Variants in CRHR1 observed in about 807,000 individuals in gnomAD.
CRHR1 encodes the protein corticotropin-releasing hormone receptor 1.
Under a neutral mutation model 56.0 loss-of-function variants are expected in CRHR1, and 28 were observed. The observed-to-expected ratio is 0.50, with a 90% confidence interval of 0.37 to 0.69. CRHR1 has a LOEUF of 0.69. Among genes scored for constraint, CRHR1 ranks in the 30% least tolerant of loss-of-function variants. The pLI is 0.00. For synonymous variants in CRHR1, 195 were observed against 216.5 expected, an observed-to-expected ratio of 0.90 and a Z score of 0.87; for missense variants, 376 against 548.0, an observed-to-expected ratio of 0.69 and a Z score of 3.13.
At chr17:45,785,422 C>T (rs912987796) in intron 1 of CRHR1, among the ~76,000 whole-genome samples, 1 of 152,262 alleles carries the variant, frequency 6.6e-6, no homozygotes, top group Admixed American at 6.5e-5. Context: ...CTTTCCAGAG[C>T]GTTTTGGTTT....
intron 2 of CRHR1, among the ~76,000 whole-genome samples, chr17:45,813,011 C>T (rs1188645728): frequency 6.6e-6 from 1 of 152,228 alleles, no homozygotes; most frequent in Non-Finnish European, 1.5e-5. Flanking sequence ...CCCCACTCTC[C>T]TCCTCCCTGG....
rs751905311 is a variant in CRHR1, at chr17:45,834,775, C to A, written c.*11C>A. ...TCCACAGCAGTCTGAGCTGGCAGGTCATGGAGCAGCCCCCAAAGAGCTGTG... is the reference window on the plus strand; with the variant it reads ...TCCACAGCAGTCTGAGCTGGCAGGTAATGGAGCAGCCCCCAAAGAGCTGTG... On this transcript the variant is annotated 3_prime_UTR_variant, in exon 13 of 13. Transcript: ENST00000314537. 2.5e-6 allele frequency: 4 copies of A among 1,613,448 alleles called. No homozygotes were observed. Among genetic ancestry groups the A allele is most frequent in the Non-Finnish European group, 3.4e-6 (4 of 1,179,900 alleles).
intron 8 of CRHR1, among the ~76,000 whole-genome samples, chr17:45,831,924 T>C (rs1217778262): frequency 2.0e-5 from 3 of 151,828 alleles, no homozygotes; most frequent in Non-Finnish European, 4.4e-5. Flanking sequence ...ATCTTGCGTG[T>C]TTATGTGGTT....
intron 8 of CRHR1, among the ~76,000 whole-genome samples, chr17:45,831,232 AT>A (rs1490278305): frequency 6.6e-6 from 1 of 152,190 alleles, no homozygotes; most frequent in Non-Finnish European, 1.5e-5. Context: ...CCTTGGACAG[AT>A]TACTGCAGTG....
At chr17:45,787,520 A>G (rs2061357327) in intron 1 of CRHR1, among the ~76,000 whole-genome samples, 1 of 152,200 alleles carries the variant, frequency 6.6e-6, no homozygotes, top group African/African-American at 2.4e-5. Flanking sequence ...ATGGAAAATG[A>G]TTGCAACCTC....
chr17:45,830,499 T>C lies in CRHR1; in HGVS notation c.638T>C (p.Leu213Pro). Reference protein sequence around the residue: ...FFWMFGEGCYLHTAIVLTYST... With the variant: ...FFWMFGEGCYPHTAIVLTYST... Reference sequence around the variant, plus strand: ...TGGATGTTCGGCGAGGGCTGCTACCTGCACACAGCCATCGTGCTCACCTAC... The same window carrying C: ...TGGATGTTCGGCGAGGGCTGCTACCCGCACACAGCCATCGTGCTCACCTAC... The change falls in exon 7 of 13, where the codon CTG (leucine) becomes CCG (proline). Residue 213 changes from leucine (L) to proline (P), a missense_variant. By Grantham distance (98) the Leu-to-Pro change is moderately conservative. Coordinates refer to ENST00000314537, the MANE Select transcript of CRHR1 (RefSeq NM_004382.5). 1 of 1,613,766 alleles carries C rather than the reference T, an allele frequency of 6.2e-7. No homozygotes were observed. Among genetic ancestry groups the C allele is most frequent in the Non-Finnish European group, 8.5e-7 (1 of 1,179,972 alleles).
intron 3 of CRHR1, among the ~76,000 whole-genome samples, chr17:45,819,102 C>G (rs543976396): frequency 6.6e-6 from 1 of 152,122 alleles, no homozygotes; most frequent in Non-Finnish European, 1.5e-5. Context: ...CAATATCCAC[C>G]GGTACCCTTT....
intron 1 of CRHR1, among the ~76,000 whole-genome samples, chr17:45,805,558 G>A (rs1019466646): frequency 2.0e-5 from 3 of 152,186 alleles, no homozygotes; most frequent in African/African-American, 7.2e-5. Context: ...GAAATGGGCT[G>A]GGGCTGAGAC....
chr17:45,833,283 G>A (rs2062358720), intron 9 of CRHR1, 73 bp downstream of exon 9: 2 of 1,555,528 alleles, frequency 1.3e-6, no homozygotes, highest in Admixed American at 1.7e-5. Flanking sequence ...TGGACAGAAA[G>A]GACTCCTCTA....
At position 45,829,656 on chromosome 17, in the gene CRHR1, G is replaced by A; in HGVS notation, c.434+335G>A. ...CCATTTCAGGTTCGAAGGTACCTGGGCCCCAGCACTACCGCCAAGGATGCA... is the reference window on the plus strand; with the variant it reads ...CCATTTCAGGTTCGAAGGTACCTGGACCCCAGCACTACCGCCAAGGATGCA... On this transcript the variant is annotated intron_variant, in intron 5 of 12. Coordinates refer to ENST00000314537, the MANE Select transcript of CRHR1 (RefSeq NM_004382.5). 3.2e-6 allele frequency: 5 copies of A among 1,550,308 alleles called. No homozygotes were observed. The South Asian group carries it at 3.6e-5, about 11-fold the overall frequency.
chr17:45,806,477 C>T (rs114332757), intron 1 of CRHR1, among the ~76,000 whole-genome samples: 188 of 152,236 alleles, frequency 1.2e-3, no homozygotes, highest in African/African-American at 3.8e-3. Context: ...TTTGTGATGA[C>T]GGATAATTAG....
At chr17:45,787,404 C>A (rs2061355803) in intron 1 of CRHR1, among the ~76,000 whole-genome samples, 1 of 152,098 alleles carries the variant, frequency 6.6e-6, no homozygotes, top group African/African-American at 2.4e-5. Flanking sequence ...GAAGGCAAGG[C>A]CTCTGGATGG....
chr17:45,833,261 C>T, intron 9 of CRHR1, 51 bp downstream of exon 9: 1 of 1,584,342 alleles, frequency 6.3e-7, no homozygotes, highest in Non-Finnish European at 8.7e-7. Flanking sequence ...GAGGGGCAAT[C>T]AGTGCCAACC....
chr17:45,786,816 T>G (rs2061345521), intron 1 of CRHR1, among the ~76,000 whole-genome samples: 1 of 152,032 alleles, frequency 6.6e-6, no homozygotes, highest in Non-Finnish European at 1.5e-5. Flanking sequence ...AATCTTTGTA[T>G]TTTTTGTAGA....
At chr17:45,799,715 G>A (rs1223099187) in intron 1 of CRHR1, 1 of 152,252 alleles carries the variant, frequency 6.6e-6, no homozygotes, top group Non-Finnish European at 1.5e-5. Flanking sequence ...GTCCGCCAGA[G>A]TCTCCCAGGC....
At position 45,830,915 on chromosome 17, in the gene CRHR1, G is replaced by A. The variant is rs2062293548; in HGVS notation, c.745G>A (p.Gly249Arg). 6.2e-7 allele frequency: 1 copy of A among 1,613,820 alleles called. No homozygotes were observed. The highest frequency in any genetic ancestry group is 1.7e-5 in the Admixed American group (1 of 60,002). ...CCCCATCATTGTGGCCTGGGCCATT[G>A]GGAAGCTGTACTACGACAATGAGAA... ...PFPIIVAWAI[G>R]KLYYDNEKCW... Residue 249 changes from glycine to arginine, a missense_variant, in exon 8 of 13, where the codon GGG becomes AGG. Transcript: ENST00000314537.
intron 1 of CRHR1, chr17:45,799,889 C>T (rs1353977223): frequency 6.6e-6 from 1 of 152,368 alleles, no homozygotes; most frequent in Admixed American, 6.5e-5. Flanking sequence ...CCATCTCAAC[C>T]CAGTGTCTGA....
chr17:45,797,283 C>CTTTTTTTTTTTT (rs899983592), intron 1 of CRHR1, among the ~76,000 whole-genome samples: 3 of 94,930 alleles, frequency 3.2e-5, no homozygotes, highest in African/African-American at 4.6e-5. Context: ...TTCTTTCTTT[C>CTTTTTTTTTTTT]TTTTTTTTTT....
chr17:45,791,852 T>TCTCA (rs60388646), intron 1 of CRHR1, among the ~76,000 whole-genome samples: 47,266 of 120,432 alleles, frequency 0.39, 9,039 homozygotes, highest in East Asian at 0.69. Context: ...TCTCTCTCTC[T>TCTCA]CACACACACA....
Sources: allele counts gnomAD v4.1 joint callset (sites outside exome capture counted in the v4.1 genomes callset), GRCh38; gene constraint gnomAD v4.1.1; transcripts MANE v1.5; gene names NCBI Gene and HGNC (gene_info 2026-07-23, HGNC 2026-07-21).